Variants in DSCAM observed in about 807,000 individuals in gnomAD.
DSCAM encodes the protein cell adhesion molecule DSCAM.
DSCAM carries 47 observed loss-of-function variants against 217.7 expected under a neutral mutation model. The observed-to-expected ratio is 0.22, with a 90% CI of 0.17 to 0.28. The LOEUF (loss-of-function observed/expected upper bound fraction) is 0.28, where lower values mean the gene tolerates loss of function less well. DSCAM is among the 10% of genes least tolerant of loss of function. The pLI is 1.00. For synonymous variants in DSCAM, 1,056 were observed against 1,015.3 expected (o/e 1.04, Z -0.76); for missense variants, 2,080 against 2,618.3 (o/e 0.79, Z 4.49).
At chr21:40,143,928 A>G (rs2090322981) in intron 17 of DSCAM, among the ~76,000 whole-genome samples, 1 of 151,592 alleles carries the variant, frequency 6.6e-6, no homozygotes, top group African/African-American at 2.4e-5. Context: ...GCCTCTGGAT[A>G]CCAGGGTTCT....
At chr21:40,281,447 A>C (rs985379242) in intron 10 of DSCAM, among the ~76,000 whole-genome samples, 2 of 152,218 alleles carry the variant, frequency 1.3e-5, no homozygotes, top group African/African-American at 4.8e-5. Context: ...CTCATCAATC[A>C]GTGCATCAGT....
At chr21:40,474,287 C>T (rs968186422) in intron 3 of DSCAM, among the ~76,000 whole-genome samples, 13 of 150,142 alleles carry the variant, frequency 8.7e-5, no homozygotes, top group African/African-American at 2.2e-4. Flanking sequence ...AGTGAGACTC[C>T]GTCTTCAAAA....
chr21:40,415,643 G>A (rs1344918147), intron 3 of DSCAM, among the ~76,000 whole-genome samples: 1 of 152,194 alleles, frequency 6.6e-6, no homozygotes, highest in African/African-American at 2.4e-5. Context: ...GGAGAAATCT[G>A]ATCTGCAGAA....
intron 3 of DSCAM, among the ~76,000 whole-genome samples, chr21:40,484,115 T>G (rs960988545): frequency 1.6e-4 from 25 of 152,186 alleles, no homozygotes; most frequent in African/African-American, 5.8e-4. Context: ...TCATCTAATC[T>G]TCAGCAGGTT....
At chr21:40,728,814 T>C (rs2090984234) in intron 1 of DSCAM, among the ~76,000 whole-genome samples, 1 of 152,168 alleles carries the variant, frequency 6.6e-6, no homozygotes, top group Non-Finnish European at 1.5e-5. Context: ...TTTAATCCTA[T>C]AGATGTTTAT....
At chr21:40,551,193 G>A (rs189521490) in intron 3 of DSCAM, among the ~76,000 whole-genome samples, 6 of 152,314 alleles carry the variant, frequency 3.9e-5, no homozygotes, top group East Asian at 3.9e-4. Flanking sequence ...GGTTTTACAC[G>A]TCTTAGGGAA....
At chr21:40,428,234 TTGTGTGTGTGTGTGTGTGTGTGTGTGTG>T (rs71186936) in intron 3 of DSCAM, among the ~76,000 whole-genome samples, 24 of 129,352 alleles carry the variant, frequency 1.9e-4, no homozygotes, top group South Asian at 6.0e-4. Flanking sequence ...GGCAAATACT[TTGTGTGTGTGTGTGTGTGTGTGTGTGTG>T]TGTGTGTGTG....
At chr21:40,693,375 G>C (rs1180022043) in intron 2 of DSCAM, among the ~76,000 whole-genome samples, 1 of 152,046 alleles carries the variant, frequency 6.6e-6, no homozygotes, top group Non-Finnish European at 1.5e-5. Flanking sequence ...TGAGGCTGCA[G>C]TGAGCTATAA....
rs369438004 is a variant in DSCAM at position 40,276,185 on chromosome 21, G to A, written c.2268C>T (p.Val756=). The A allele has an allele frequency of 4.8e-5, 77 of 1,613,314 alleles. No homozygotes were observed. Among genetic ancestry groups the A allele is most frequent in the African/African-American group, 4.0e-4 (30 of 74,970 alleles). Reference sequence around the variant, plus strand: ...GGTAGTAGCCACTGTCTTCCTCCACGACATGCTTGATCAGCAACGACCCAT... The same window carrying A: ...GGTAGTAGCCACTGTCTTCCTCCACAACATGCTTGATCAGCAACGACCCAT... ...LSNGSLLIKH[V]VEEDSGYYLC... The change falls in exon 11 of 33, where the codon GTC becomes GTT. Residue 756 remains valine (V), a synonymous_variant. Coordinates refer to ENST00000400454, the MANE Select transcript of DSCAM (RefSeq NM_001389.5).
intron 11 of DSCAM, among the ~76,000 whole-genome samples, chr21:40,201,980 T>C (rs976168340): frequency 8.5e-5 from 13 of 152,314 alleles, no homozygotes; most frequent in South Asian, 2.1e-4. Flanking sequence ...ACTCTCCACA[T>C]TTTATCACTC....
rs147882327 is a variant in DSCAM at position 40,159,390 on chromosome 21, C to T, written c.3018+7828G>A. Among the ~76,000 whole-genome samples, 705 of 152,196 alleles carry T rather than the reference C, an allele frequency of 4.6e-3. 4 individuals are homozygous for T. The highest frequency in any genetic ancestry group is 0.016 in the African/African-American group (656 of 41,512). On this transcript the variant is annotated intron_variant, in intron 16 of 32. Coordinates refer to ENST00000400454, the MANE Select transcript of DSCAM (RefSeq NM_001389.5). Reference sequence around the variant, plus strand: ...ATACAGCACATTAAACAGTGTATATCCACCTATGCACTCCCTGTACGGATG... The same window carrying T: ...ATACAGCACATTAAACAGTGTATATTCACCTATGCACTCCCTGTACGGATG...
intron 3 of DSCAM, among the ~76,000 whole-genome samples, chr21:40,511,818 C>G (rs146888087): frequency 6.6e-6 from 1 of 151,474 alleles, no homozygotes; most frequent in East Asian, 1.9e-4. Context: ...AGTGAAACCC[C>G]GTCTCTATTA....
At chr21:40,387,581 G>A (rs1209473530) in intron 3 of DSCAM, among the ~76,000 whole-genome samples, 4 of 152,136 alleles carry the variant, frequency 2.6e-5, no homozygotes, top group Non-Finnish European at 5.9e-5. Flanking sequence ...ATCTTCCCTG[G>A]AGGAAGGAGC....
intron 14 of DSCAM, among the ~76,000 whole-genome samples, chr21:40,181,728 T>C (rs560594658): frequency 2.0e-5 from 3 of 151,750 alleles, no homozygotes; most frequent in South Asian, 2.1e-4. Context: ...GGCAAATTAT[T>C]GACTTGACAA....
intron 3 of DSCAM, among the ~76,000 whole-genome samples, chr21:40,520,312 C>T (rs144389925): frequency 6.6e-6 from 1 of 152,070 alleles, no homozygotes; most frequent in Non-Finnish European, 1.5e-5. Context: ...GAAAATAATT[C>T]TCTGCAATAA....
At chr21:40,706,516 T>C (rs1315933230) in intron 2 of DSCAM, among the ~76,000 whole-genome samples, 1 of 152,220 alleles carries the variant, frequency 6.6e-6, no homozygotes, top group East Asian at 1.9e-4. Context: ...GGAAAGATTA[T>C]GAAGTCATTC....
At chr21:40,287,243 T>G (rs1196907156) in intron 10 of DSCAM, among the ~76,000 whole-genome samples, 1 of 151,346 alleles carries the variant, frequency 6.6e-6, no homozygotes, top group Non-Finnish European at 1.5e-5. Flanking sequence ...ACAGGTGATC[T>G]GCAGTGTGAG....
chr21:40,748,193 A>G (rs1177359932), intron 1 of DSCAM, among the ~76,000 whole-genome samples: 2 of 152,044 alleles, frequency 1.3e-5, no homozygotes, highest in East Asian at 3.9e-4. Context: ...TTTGTTCAAC[A>G]TAGCACTGAA....
At chr21:40,440,770 C>T (rs978787749) in intron 3 of DSCAM, among the ~76,000 whole-genome samples, 5 of 141,342 alleles carry the variant, frequency 3.5e-5, no homozygotes, top group Admixed American at 1.4e-4. Context: ...CACTGAGCAA[C>T]GTAGCCTCAG....
Sources: allele counts gnomAD v4.1 joint callset (sites outside exome capture counted in the v4.1 genomes callset), GRCh38; gene constraint gnomAD v4.1.1; transcripts MANE v1.5; gene names NCBI Gene and HGNC (gene_info 2026-07-23, HGNC 2026-07-21).